FAM185A: variants seen among roughly 807,000 people sequenced by gnomAD.
The protein encoded by FAM185A is family with sequence similarity 185 member A.
FAM185A carries 21 observed loss-of-function variants against 45.7 expected under a neutral mutation model. The ratio of observed to expected loss-of-function variants is 0.46; its 90% CI spans 0.33 to 0.66. The LOEUF (loss-of-function observed/expected upper bound fraction) is 0.66, where lower values mean the gene tolerates loss of function less well. FAM185A is among the 30% of genes least tolerant of loss of function. The pLI, the probability that FAM185A is intolerant of heterozygous loss-of-function variation, is 0.03. For missense variants in FAM185A, 305 were observed against 485.4 expected, an observed-to-expected ratio of 0.63 and a Z score of 3.49; for synonymous variants, 117 against 194.0, an observed-to-expected ratio of 0.60 and a Z score of 3.30.
chr7:102,847,837 A>G, the FAM185A span, among the ~76,000 whole-genome samples: 1 of 151,992 alleles, frequency 6.6e-6, no homozygotes, highest in Non-Finnish European at 1.5e-5. Context: ...CCAACAAACC[A>G]ATTTTTATTA....
At position 102,809,170 on chromosome 7, in the gene FAM185A, C is replaced by G. The variant is rs1272352838; in HGVS notation, c.*768C>G. Reference sequence around the variant, plus strand: ...ACATGACAGGTTTTCTACTTAGTACCTTTTATGGCATCAATGTAAATTTAA... The same window carrying G: ...ACATGACAGGTTTTCTACTTAGTACGTTTTATGGCATCAATGTAAATTTAA... On this transcript the variant is annotated 3_prime_UTR_variant, in exon 8 of 8. Coordinates refer to ENST00000413034, the MANE Select transcript of FAM185A (RefSeq NM_001145268.2). The G allele has an allele frequency of 2.0e-5, 3 of 152,100 alleles. No homozygotes were observed. Among genetic ancestry groups the G allele is most frequent in the Non-Finnish European group, 4.4e-5 (3 of 68,000 alleles). The allele number at this position is 152,100 out of a possible 1,614,324, so 9.4% of individuals were successfully genotyped here. A position where few individuals can be genotyped will look rare whatever the true frequency, so the allele number is the denominator to read the frequency against.
the FAM185A span, among the ~76,000 whole-genome samples, chr7:102,847,555 CTCTT>C: frequency 3.3e-5 from 5 of 151,852 alleles, no homozygotes; most frequent in Non-Finnish European, 7.4e-5. Context: ...GACATGGAGT[CTCTT>C]TCTGTCGCCC....
Position 102,787,430 on chromosome 7 carries a change from A to G in FAM185A, c.1027A>G (p.Met343Val), listed in dbSNP as rs2129441657. ...GAACTCAGAAGTCCATGTTCAGGAA[A>G]TGGCTGAAGTTCGTAAAGATGATGT... The part of the protein sequence containing the change: ...DVNSEVHVQE[M>V]AEVRKDDVVT... The change falls in exon 7 of 8, where the codon ATG becomes GTG. Residue 343 changes from methionine (M) to valine (V), a missense_variant. Coordinates refer to ENST00000413034, the MANE Select transcript of FAM185A (RefSeq NM_001145268.2). 2 of 1,535,416 alleles carry G rather than the reference A, an allele frequency of 1.3e-6. No individual in the cohort carries two copies. Among genetic ancestry groups the G allele is most frequent in the South Asian group, 2.4e-5 (2 of 81,884 alleles).
At chr7:102,843,930 C>CA in the FAM185A span, among the ~76,000 whole-genome samples, 2 of 152,266 alleles carry the variant, frequency 1.3e-5, no homozygotes, top group East Asian at 3.9e-4. Context: ...AAGCCGAAGT[C>CA]AGATACCTAA....
At chr7:102,813,484 T>C, downstream of FAM185A, 2 of 1,614,174 alleles carry the variant, frequency 1.2e-6, no homozygotes, top group Non-Finnish European at 1.7e-6. Flanking sequence ...GTCATTAGTG[T>C]TGTATTCCTG....
the FAM185A span, among the ~76,000 whole-genome samples, chr7:102,825,028 T>C: frequency 1.5e-4 from 23 of 152,214 alleles, no homozygotes; most frequent in African/African-American, 5.5e-4. Context: ...GTAGATGTAG[T>C]TTAGTTTATC....
the FAM185A span, among the ~76,000 whole-genome samples, chr7:102,850,477 TA>T: frequency 1.1e-4 from 17 of 152,204 alleles, no homozygotes; most frequent in Non-Finnish European, 2.4e-4. Flanking sequence ...AACCCAGTAT[TA>T]AAAATGTTAA....
chr7:102,816,887 C>T, the FAM185A span, among the ~76,000 whole-genome samples: 22 of 152,314 alleles, frequency 1.4e-4, no homozygotes, highest in Non-Finnish European at 2.8e-4. Context: ...TGTTAATTCA[C>T]TTAGGATAAT....
At chr7:102,757,544 A>G (rs956151414) in intron 2 of FAM185A, among the ~76,000 whole-genome samples, 1 of 152,254 alleles carries the variant, frequency 6.6e-6, no homozygotes, top group Non-Finnish European at 1.5e-5. Context: ...CATCTTCATC[A>G]CTGTGGATAT....
chr7:102,788,720 G>A (rs1218486269), intron 7 of FAM185A, among the ~76,000 whole-genome samples: 1 of 152,128 alleles, frequency 6.6e-6, no homozygotes. Flanking sequence ...GTTGTCATGT[G>A]AACATTACAG....
intron 6 of FAM185A, among the ~76,000 whole-genome samples, chr7:102,786,509 TGA>T (rs1304361854): frequency 6.6e-6 from 1 of 152,134 alleles, no homozygotes; most frequent in African/African-American, 2.4e-5. Context: ...TAAAAAAGGA[TGA>T]GTTCATGTCC....
At chr7:102,819,070 G>C in the FAM185A span, among the ~76,000 whole-genome samples, 2 of 151,970 alleles carry the variant, frequency 1.3e-5, no homozygotes, top group African/African-American at 4.8e-5. Flanking sequence ...TTCTGTTCTT[G>C]GATTAGCCTT....
At chr7:102,797,843 CACAA>C (rs1235318738) in intron 7 of FAM185A, among the ~76,000 whole-genome samples, 5 of 152,130 alleles carry the variant, frequency 3.3e-5, no homozygotes, top group East Asian at 1.9e-4. Context: ...ACCAAATGTA[CACAA>C]ACAAAGAATG....
At chr7:102,791,299 C>A (rs1466777721) in intron 7 of FAM185A, among the ~76,000 whole-genome samples, 1 of 147,076 alleles carries the variant, frequency 6.8e-6, no homozygotes, top group Non-Finnish European at 1.5e-5. Context: ...GAGAAAAAAA[C>A]AACTTTTGCT....
At chr7:102,807,295 T>C (rs943460217) in intron 7 of FAM185A, among the ~76,000 whole-genome samples, 2 of 152,186 alleles carry the variant, frequency 1.3e-5, no homozygotes, top group South Asian at 2.1e-4. Flanking sequence ...TAAGGAAATA[T>C]GGTTCACAGA....
chr7:102,820,071 C>T, the FAM185A span, among the ~76,000 whole-genome samples: 1 of 152,184 alleles, frequency 6.6e-6, no homozygotes, highest in East Asian at 1.9e-4. Flanking sequence ...CTTTACTAGT[C>T]CAAACACTGG....
chr7:102,766,181 T>C (rs1482400961), intron 4 of FAM185A, among the ~76,000 whole-genome samples: 1 of 152,290 alleles, frequency 6.6e-6, no homozygotes, highest in Admixed American at 6.5e-5. Flanking sequence ...GATGTAAGAG[T>C]GTTCATGTTA....
At chr7:102,795,592 G>A (rs1796398165) in intron 7 of FAM185A, among the ~76,000 whole-genome samples, 1 of 152,218 alleles carries the variant, frequency 6.6e-6, no homozygotes, top group Non-Finnish European at 1.5e-5. Flanking sequence ...CCTGAGTTAG[G>A]GAGATCAAGA....
chr7:102,782,881 T>C (rs1229703477), intron 6 of FAM185A, among the ~76,000 whole-genome samples: 3 of 151,740 alleles, frequency 2.0e-5, no homozygotes, highest in Non-Finnish European at 4.4e-5. Flanking sequence ...TCAAGACCCA[T>C]CAGTGTGCTG....
Sources: gnomAD v4.1 joint callset for allele counts (sites outside exome capture counted in the v4.1 genomes callset) on GRCh38, gnomAD v4.1.1 for gene constraint, MANE v1.5 for transcripts, NCBI Gene and HGNC (gene_info 2026-07-23, HGNC 2026-07-21) for gene names.